CTNNA3: variants seen among roughly 807,000 people sequenced by gnomAD.
The protein encoded by CTNNA3 is catenin alpha 3.
A neutral mutation model predicts 95.7 loss-of-function variants in CTNNA3; 76 were observed. That is an observed-to-expected ratio of 0.79 (90% CI 0.66 to 0.96). The LOEUF is 0.96. CTNNA3 is among the 40% of genes least tolerant of loss of function. The pLI is 0.00. For missense variants in CTNNA3, 1,191 were observed against 1,089.8 expected (o/e 1.09, Z -1.31); for synonymous variants, 431 against 374.4 (o/e 1.15, Z -1.74).
At chr10:67,142,266 T>C (rs1034751538) in intron 7 of CTNNA3, among the ~76,000 whole-genome samples, 5 of 152,184 alleles carry the variant, frequency 3.3e-5, no homozygotes, top group Admixed American at 1.3e-4. Flanking sequence ...AAGTAGAACA[T>C]AGTCAAGGTT....
chr10:66,144,913 A>G lies in CTNNA3; in HGVS notation c.1885-41664T>C, dbSNP rs540859311. 2.8e-4 allele frequency among the ~76,000 whole-genome samples: 42 copies of G among 152,322 alleles called. No homozygotes were observed. In the South Asian group the frequency reaches 7.5e-3, roughly 27 times the overall value. On this transcript the variant is annotated intron_variant, in intron 13 of 17. Coordinates refer to ENST00000433211, the MANE Select transcript of CTNNA3 (RefSeq NM_013266.4). ...GTATCCACTCCCCTTCCACATATGC[A>G]TACTTTTAGGGAACTCTATAACTAG... is the stretch of plus-strand genomic sequence containing the variant.
At chr10:67,270,130 C>CAAA (rs201216673) in intron 5 of CTNNA3, among the ~76,000 whole-genome samples, 1 of 100,588 alleles carries the variant, frequency 9.9e-6, no homozygotes, top group Admixed American at 1.0e-4. Context: ...CAGTATTTGT[C>CAAA]AAAAAAAAAA....
At chr10:66,978,073 C>T (rs1257503679) in intron 7 of CTNNA3, among the ~76,000 whole-genome samples, 48 of 88,854 alleles carry the variant, frequency 5.4e-4, no homozygotes, top group Admixed American at 1.3e-3. Flanking sequence ...TATATACACA[C>T]ACACACACAC....
chr10:67,541,824 G>T (rs1268172751), intron 3 of CTNNA3, among the ~76,000 whole-genome samples: 1 of 152,030 alleles, frequency 6.6e-6, no homozygotes, highest in Non-Finnish European at 1.5e-5. Context: ...CTGACTTCCA[G>T]AATTTAGAGA....
intron 9 of CTNNA3, among the ~76,000 whole-genome samples, chr10:66,682,030 T>C (rs1300389029): frequency 6.6e-6 from 1 of 152,172 alleles, no homozygotes; most frequent in Non-Finnish European, 1.5e-5. Context: ...GTCAGGTCCT[T>C]TGTAGTGAGT....
At chr10:66,566,011 GA>G (rs1451876307) in intron 10 of CTNNA3, among the ~76,000 whole-genome samples, 6 of 152,192 alleles carry the variant, frequency 3.9e-5, no homozygotes, top group African/African-American at 1.4e-4. Context: ...GTTGAAACCA[GA>G]ACGCTAACGG....
At chr10:67,596,911 A>G (rs1402554688) in intron 3 of CTNNA3, among the ~76,000 whole-genome samples, 1 of 152,226 alleles carries the variant, frequency 6.6e-6, no homozygotes, top group East Asian at 1.9e-4. Flanking sequence ...AATGAGTCAT[A>G]GATTTGGTCT....
chr10:67,140,145 C>A (rs1287322231), intron 7 of CTNNA3, among the ~76,000 whole-genome samples: 1 of 152,132 alleles, frequency 6.6e-6, no homozygotes, highest in East Asian at 1.9e-4. Context: ...TATATACAGA[C>A]AACACATATC....
At chr10:66,127,639 A>G (rs1335499172) in intron 13 of CTNNA3, among the ~76,000 whole-genome samples, 1 of 152,240 alleles carries the variant, frequency 6.6e-6, no homozygotes, top group Non-Finnish European at 1.5e-5. Context: ...AAGGAAAAGG[A>G]CATGAGATAA....
chr10:66,140,667 AT>A (rs2083567752), intron 13 of CTNNA3, among the ~76,000 whole-genome samples: 1 of 152,332 alleles, frequency 6.6e-6, no homozygotes, highest in East Asian at 1.9e-4. Flanking sequence ...ATTCTGTCCT[AT>A]TCTGCAAATC....
At chr10:67,361,749 C>T (rs1842997919) in intron 5 of CTNNA3, among the ~76,000 whole-genome samples, 2 of 151,796 alleles carry the variant, frequency 1.3e-5, no homozygotes, top group African/African-American at 4.8e-5. Context: ...TCAAAGCTAA[C>T]AGAAAATATA....
At chr10:67,449,888 T>C (rs1175819399) in intron 5 of CTNNA3, among the ~76,000 whole-genome samples, 1 of 151,474 alleles carries the variant, frequency 6.6e-6, no homozygotes, top group Admixed American at 6.6e-5. Flanking sequence ...TAGGAAAAAA[T>C]TTTGCAAACT....
At chr10:66,374,095 A>G (rs1368101493) in intron 12 of CTNNA3, among the ~76,000 whole-genome samples, 3 of 152,142 alleles carry the variant, frequency 2.0e-5, no homozygotes, top group Non-Finnish European at 4.4e-5. Flanking sequence ...AATTTTGGAG[A>G]AGGACTTGGT....
In CTNNA3 at chr10:67,451,291, C is replaced by T. The variant is rs555612876; in HGVS notation, c.579+70551G>A. On this transcript the variant is annotated intron_variant, in intron 5 of 17. Coordinates refer to ENST00000433211, the MANE Select transcript of CTNNA3 (RefSeq NM_013266.4). Reference sequence around the variant, plus strand: ...AAATATGTTTTCTTTATAAATTACGCAGTCTGTGGTATTCTGTTATAGCAG... The same window carrying T: ...AAATATGTTTTCTTTATAAATTACGTAGTCTGTGGTATTCTGTTATAGCAG... 5.3e-5 allele frequency among the ~76,000 whole-genome samples: 8 copies of T among 151,980 alleles called. No individual in the cohort carries two copies. The East Asian group carries it at 1.5e-3, about 29-fold the overall frequency.
At chr10:67,299,487 T>C (rs1564546096) in intron 5 of CTNNA3, among the ~76,000 whole-genome samples, 1 of 152,198 alleles carries the variant, frequency 6.6e-6, no homozygotes, top group Non-Finnish European at 1.5e-5. Context: ...CAGAATCGAA[T>C]AACTCAGAAG....
At chr10:67,672,433 C>T (rs1840455244) in intron 1 of CTNNA3, among the ~76,000 whole-genome samples, 1 of 151,906 alleles carries the variant, frequency 6.6e-6, no homozygotes, top group South Asian at 2.1e-4. Flanking sequence ...AAGTCCTTGC[C>T]CATGCCTATG....
intron 5 of CTNNA3, among the ~76,000 whole-genome samples, chr10:67,470,114 C>T (rs1847762010): frequency 6.6e-6 from 1 of 152,188 alleles, no homozygotes; most frequent in Non-Finnish European, 1.5e-5. Context: ...CCTTCCCAAC[C>T]TCTGGTAACC....
rs186763145 is a variant in CTNNA3, at chr10:66,608,414, C to A, written c.1374+13278G>T. Among the ~76,000 whole-genome samples the A allele has an allele frequency of 2.4e-4, 37 of 152,124 alleles. 2 individuals are homozygous for A. In the East Asian group the frequency reaches 6.6e-3, roughly 27 times the overall value. ...TTCAATGCTATTCCTATTAAACTAC[C>A]AATGACACTCTTCACACAACTATAA... On this transcript the variant is annotated intron_variant, in intron 10 of 17. Transcript: ENST00000433211.
intron 7 of CTNNA3, among the ~76,000 whole-genome samples, chr10:66,835,785 T>C (rs1352610797): frequency 3.3e-5 from 5 of 152,204 alleles, no homozygotes; most frequent in Non-Finnish European, 5.9e-5. Context: ...AGCTCTTTCT[T>C]AGAGCAGTGA....
Sources: gnomAD v4.1 joint callset for allele counts (sites outside exome capture counted in the v4.1 genomes callset) on GRCh38, gnomAD v4.1.1 for gene constraint, MANE v1.5 for transcripts, NCBI Gene and HGNC (gene_info 2026-07-23, HGNC 2026-07-21) for gene names.